CSMD2: variants seen among roughly 807,000 people sequenced by gnomAD.
The protein encoded by CSMD2 is CUB and Sushi multiple domains 2, also known as CUB and sushi domain-containing protein 2.
In CSMD2, 130 loss-of-function variants were observed where a neutral mutation model predicts 398.5. That is an observed-to-expected ratio of 0.33 (90% confidence interval 0.28 to 0.38). The LOEUF is 0.38. CSMD2 is among the 10% of genes least tolerant of loss of function. The pLI, the probability that CSMD2 is intolerant of heterozygous loss-of-function variation, is 1.00. For synonymous variants in CSMD2, 1,828 were observed against 1,908.5 expected (o/e 0.96, Z 1.10); for missense variants, 3,829 against 4,764.9 (o/e 0.80, Z 5.78).
chr1:33,681,987 C>T (rs539980929), intron 25 of CSMD2, among the ~76,000 whole-genome samples: 23 of 152,220 alleles, frequency 1.5e-4, no homozygotes, highest in African/African-American at 5.3e-4. Context: ...CAAACATAAA[C>T]AAAACCAGAA....
chr1:33,777,446 C>G (rs1652146877), intron 12 of CSMD2, among the ~76,000 whole-genome samples: 1 of 152,204 alleles, frequency 6.6e-6, no homozygotes, highest in Non-Finnish European at 1.5e-5. Flanking sequence ...CTGCTGGAAA[C>G]ACAGAGACCA....
At chr1:33,564,972 G>C (rs1197980349) in intron 53 of CSMD2, among the ~76,000 whole-genome samples, 1 of 152,178 alleles carries the variant, frequency 6.6e-6, no homozygotes, top group Non-Finnish European at 1.5e-5. Flanking sequence ...AAAAAATGCA[G>C]ATTAACCAGA....
At chr1:33,722,725 GA>G (rs1646398642) in intron 19 of CSMD2, among the ~76,000 whole-genome samples, 1 of 151,124 alleles carries the variant, frequency 6.6e-6, no homozygotes, top group African/African-American at 2.4e-5. Flanking sequence ...AATTTTTATG[GA>G]ACTTTTTTTT....
chr1:34,025,030 G>A (rs1649448222), intron 3 of CSMD2, among the ~76,000 whole-genome samples: 1 of 152,140 alleles, frequency 6.6e-6, no homozygotes, highest in Non-Finnish European at 1.5e-5. Context: ...TGCGTGCACA[G>A]TGGCATGATC....
chr1:33,725,307 G>A, intron 17 of CSMD2, 42 bp downstream of exon 17: 10 of 1,581,248 alleles, frequency 6.3e-6, no homozygotes, highest in Non-Finnish European at 8.7e-6. Flanking sequence ...ACCCACCTGG[G>A]CTGACCTTGT....
At chr1:33,890,341 C>T (rs1259299825) in intron 5 of CSMD2, among the ~76,000 whole-genome samples, 1 of 151,422 alleles carries the variant, frequency 6.6e-6, no homozygotes, top group Non-Finnish European at 1.5e-5. Context: ...CACCATTCTC[C>T]TGCCTCAGCC....
At chr1:33,527,820 C>T (rs1166876873) in intron 64 of CSMD2, among the ~76,000 whole-genome samples, 1 of 151,738 alleles carries the variant, frequency 6.6e-6, no homozygotes, top group African/African-American at 2.4e-5. Flanking sequence ...TGAATGTCCT[C>T]ATTGAAAACT....
At chr1:34,133,811 C>G (rs193263151) in intron 1 of CSMD2, among the ~76,000 whole-genome samples, 1 of 152,090 alleles carries the variant, frequency 6.6e-6, no homozygotes, top group Non-Finnish European at 1.5e-5. Flanking sequence ...TGACTCACAC[C>G]TGTAATCCCA....
At chr1:33,896,212 G>T (rs1484946194) in intron 5 of CSMD2, among the ~76,000 whole-genome samples, 2 of 152,082 alleles carry the variant, frequency 1.3e-5, no homozygotes, top group African/African-American at 4.8e-5. Context: ...ATTATTTGAT[G>T]GGGGAATTGG....
intron 10 of CSMD2, chr1:33,804,737 G>A (rs1393699711): frequency 1.4e-6 from 1 of 717,398 alleles, no homozygotes. Flanking sequence ...GGATACACCT[G>A]TATCTCACCT....
At chr1:33,572,254 C>T (rs971883241) in intron 50 of CSMD2, among the ~76,000 whole-genome samples, 7 of 152,170 alleles carry the variant, frequency 4.6e-5, no homozygotes, top group African/African-American at 1.7e-4. Context: ...GGTTTTCCAT[C>T]TAAAAGGGAG....
chr1:33,830,135 C>A (rs1210179595), intron 6 of CSMD2, among the ~76,000 whole-genome samples: 1 of 152,242 alleles, frequency 6.6e-6, no homozygotes, highest in African/African-American at 2.4e-5. Flanking sequence ...ATGCCCCCAT[C>A]TGACAGCTTT....
At chr1:33,989,154 C>T (rs761274060) in intron 3 of CSMD2, among the ~76,000 whole-genome samples, 3 of 149,210 alleles carry the variant, frequency 2.0e-5, no homozygotes, top group Non-Finnish European at 3.0e-5. Flanking sequence ...TTATAACTCA[C>T]TAATAAGACA....
chr1:33,721,901 T>C (rs1043546982), intron 19 of CSMD2, among the ~76,000 whole-genome samples: 3 of 152,384 alleles, frequency 2.0e-5, no homozygotes, highest in Middle Eastern at 3.4e-3. Flanking sequence ...TCTTGGGGTA[T>C]ATTTTTTCCA....
At chr1:33,997,874 C>T (rs914439372) in intron 3 of CSMD2, among the ~76,000 whole-genome samples, 28 of 152,162 alleles carry the variant, frequency 1.8e-4, no homozygotes, top group African/African-American at 6.3e-4. Flanking sequence ...TAGTGGCAAT[C>T]TAAGGAATGC....
chr1:33,939,251 A>G (rs1016440466), intron 3 of CSMD2, among the ~76,000 whole-genome samples: 2 of 150,508 alleles, frequency 1.3e-5, no homozygotes, highest in African/African-American at 4.9e-5. Context: ...CTTATTTAGC[A>G]TCTTCTATGA....
At chr1:33,971,482 T>G (rs998494286) in intron 3 of CSMD2, among the ~76,000 whole-genome samples, 1 of 152,276 alleles carries the variant, frequency 6.6e-6, no homozygotes, top group Non-Finnish European at 1.5e-5. Flanking sequence ...CCCCTGATCC[T>G]GGTTGCTTCA....
chr1:34,102,212 A>T (rs1660021702), intron 1 of CSMD2, among the ~76,000 whole-genome samples: 1 of 151,958 alleles, frequency 6.6e-6, no homozygotes, highest in Non-Finnish European at 1.5e-5. Context: ...TTTTACTTTT[A>T]GTAGAGACGG....
At chr1:34,147,449 G>A (rs1223775163) in intron 1 of CSMD2, among the ~76,000 whole-genome samples, 1 of 151,208 alleles carries the variant, frequency 6.6e-6, no homozygotes, top group Non-Finnish European at 1.5e-5. Context: ...CCAGACTGTG[G>A]AAGGTCTAGG....
Sources: gnomAD v4.1 joint callset for allele counts (sites outside exome capture counted in the v4.1 genomes callset) on GRCh38, gnomAD v4.1.1 for gene constraint, MANE v1.5 for transcripts, NCBI Gene and HGNC (gene_info 2026-07-23, HGNC 2026-07-21) for gene names.